MTA3: variants seen among roughly 807,000 people sequenced by gnomAD.
MTA3 encodes the protein metastasis-associated protein MTA3.
In MTA3, 34 loss-of-function variants were observed where a neutral mutation model predicts 83.5. The ratio of observed to expected loss-of-function variants is 0.41; its 90% CI spans 0.31 to 0.54. The LOEUF is 0.54. MTA3 is among the 20% of genes least tolerant of loss of function. The probability of loss-of-function intolerance (pLI) is 0.33; values close to 1 mark genes in which losing one functional copy is unlikely to be tolerated. For missense variants in MTA3, 761 were observed against 726.4 expected, an observed-to-expected ratio of 1.05 and a Z score of -0.55; for synonymous variants, 303 against 252.7, an observed-to-expected ratio of 1.20 and a Z score of -1.89.
chr2:42,502,504 G>A (rs1253902280), intron 2 of MTA3, among the ~76,000 whole-genome samples: 1 of 152,096 alleles, frequency 6.6e-6, no homozygotes, highest in Non-Finnish European at 1.5e-5. Flanking sequence ...TTATTGGAAA[G>A]GGGTCCCAAT....
rs1345056653 is a variant in MTA3 at position 42,621,984 on chromosome 2, C to T, written c.317+12400C>T. Among the ~76,000 whole-genome samples the T allele has an allele frequency of 1.4e-4, 22 of 152,232 alleles. 1 individual carries two copies. In the East Asian group the frequency reaches 4.3e-3, roughly 29 times the overall value. On this transcript the variant is annotated intron_variant, in intron 4 of 16. Transcript: ENST00000405094. ...GATGGGCGGCCAGGCAGAGACGCTC[C>T]TCACTTCCCAGACGGGGTGGCGGCC...
At chr2:42,709,222 T>G (rs1666390179) in intron 14 of MTA3, 126 bp downstream of exon 14, 1 of 1,447,752 alleles carries the variant, frequency 6.9e-7, no homozygotes, top group East Asian at 2.5e-5. Flanking sequence ...CAGCCTTTTA[T>G]TTGGTTTATT....
chr2:42,729,086 G>GT (rs1216600680), intron 16 of MTA3, among the ~76,000 whole-genome samples: 15,678 of 59,184 alleles, frequency 0.26, 5,370 homozygotes, highest in Non-Finnish European at 0.36. Flanking sequence ...CACAGTTTGA[G>GT]TTTTTTTTTT....
chr2:42,622,650 A>G (rs1431343646), intron 4 of MTA3, among the ~76,000 whole-genome samples: 2 of 152,074 alleles, frequency 1.3e-5, no homozygotes, highest in Non-Finnish European at 2.9e-5. Flanking sequence ...CTTTTTAAAA[A>G]AATTTTTGCC....
At chr2:42,675,832 C>T (rs938545329) in intron 8 of MTA3, among the ~76,000 whole-genome samples, 1 of 152,168 alleles carries the variant, frequency 6.6e-6, no homozygotes, top group Admixed American at 6.5e-5. Flanking sequence ...ATGTAAAGCT[C>T]TTAAGGGTAA....
chr2:42,683,701 A>G (rs962399079), intron 9 of MTA3, among the ~76,000 whole-genome samples: 5 of 152,282 alleles, frequency 3.3e-5, no homozygotes, highest in East Asian at 1.9e-4. Flanking sequence ...GATCCCTCGC[A>G]TGCACAGTTC....
At chr2:42,687,088 C>A (rs940976308) in intron 9 of MTA3, among the ~76,000 whole-genome samples, 2 of 152,214 alleles carry the variant, frequency 1.3e-5, no homozygotes, top group African/African-American at 4.8e-5. Flanking sequence ...GATCGCGCCA[C>A]TGCACTCTAG....
At chr2:42,711,897 GCAATGTGAATGTACTTT>G (rs1666652497) in intron 14 of MTA3, among the ~76,000 whole-genome samples, 1 of 151,886 alleles carries the variant, frequency 6.6e-6, no homozygotes, top group Admixed American at 6.6e-5. Context: ...TCGCTGTGAT[GCAATGTGAATGTACTTT>G]CAGATAAGGC....
Position 42,755,652 on chromosome 2 carries a change from G to T in MTA3, c.*2253G>T. 1 of 985,552 alleles carries T rather than the reference G, an allele frequency of 1.0e-6. No individual in the cohort carries two copies. Among genetic ancestry groups the T allele is most frequent in the Non-Finnish European group, 1.2e-6 (1 of 830,038 alleles). 61.1% of individuals were successfully genotyped at this position (985,552 alleles called of 1,614,324 possible). ...CCCCAGGCAATGGAGGAAGGGTGCC[G>T]AGGCGCCTCTAGTCTGTGCCTTTGC... On this transcript the variant is annotated 3_prime_UTR_variant, in exon 17 of 17. Coordinates refer to ENST00000405094, the MANE Select transcript of MTA3 (RefSeq NM_001330442.2).
chr2:42,746,259 A>G (rs1381238853), intron 16 of MTA3, among the ~76,000 whole-genome samples: 1 of 152,212 alleles, frequency 6.6e-6, no homozygotes, highest in Non-Finnish European at 1.5e-5. Context: ...TTGAAATAGA[A>G]TGATTCTTAC....
At chr2:42,650,906 A>C (rs1573476566) in intron 6 of MTA3, among the ~76,000 whole-genome samples, 1 of 152,326 alleles carries the variant, frequency 6.6e-6, no homozygotes, top group Middle Eastern at 3.4e-3. Flanking sequence ...TGCATCACCT[A>C]ATGACAGCAA....
intron 14 of MTA3, among the ~76,000 whole-genome samples, chr2:42,710,083 A>G (rs1414216333): frequency 6.6e-6 from 1 of 152,218 alleles, no homozygotes; most frequent in Non-Finnish European, 1.5e-5. Flanking sequence ...GAAATCCTAA[A>G]GCCATTCTAA....
intron 15 of MTA3, among the ~76,000 whole-genome samples, chr2:42,720,229 C>T (rs1004130920): frequency 6.6e-6 from 1 of 151,942 alleles, no homozygotes; most frequent in African/African-American, 2.4e-5. Flanking sequence ...TCTGTCCAAG[C>T]TGGAGTGCAG....
chr2:42,597,060 T>C (rs911735411), intron 3 of MTA3, among the ~76,000 whole-genome samples: 1 of 151,424 alleles, frequency 6.6e-6, no homozygotes, highest in African/African-American at 2.4e-5. Flanking sequence ...GCAAACTGCA[T>C]TGCCCGGTGA....
At chr2:42,525,113 C>T (rs984841280) in intron 2 of MTA3, among the ~76,000 whole-genome samples, 2 of 148,676 alleles carry the variant, frequency 1.3e-5, no homozygotes, top group Non-Finnish European at 3.0e-5. Context: ...CCCCCCTCCC[C>T]CACCTGTGGG....
chr2:42,696,726 A>G (rs562668962), intron 10 of MTA3, among the ~76,000 whole-genome samples: 102 of 152,296 alleles, frequency 6.7e-4, no homozygotes, highest in African/African-American at 2.4e-3. Context: ...GCAACATAAC[A>G]AGACCCTGTC....
At chr2:42,663,825 C>T (rs1689963028) in intron 8 of MTA3, among the ~76,000 whole-genome samples, 1 of 152,202 alleles carries the variant, frequency 6.6e-6, no homozygotes, top group Non-Finnish European at 1.5e-5. Context: ...GTTACCTTCA[C>T]ACCCTTCAGT....
chr2:42,701,117 GATAATAA>G (rs1264988106), intron 11 of MTA3, among the ~76,000 whole-genome samples: 1 of 151,722 alleles, frequency 6.6e-6, no homozygotes, highest in African/African-American at 2.4e-5. Context: ...TAAGTAGATA[GATAATAA>G]ATAATACATT....
intron 3 of MTA3, among the ~76,000 whole-genome samples, chr2:42,600,047 A>AC (rs1682365802): frequency 6.6e-6 from 1 of 151,214 alleles, no homozygotes; most frequent in Non-Finnish European, 1.5e-5. Flanking sequence ...ATACAAAAAA[A>AC]ATTAGCTGGG....
Sources: gnomAD v4.1 joint callset for allele counts (sites outside exome capture counted in the v4.1 genomes callset) on GRCh38, gnomAD v4.1.1 for gene constraint, MANE v1.5 for transcripts, NCBI Gene and HGNC (gene_info 2026-07-23, HGNC 2026-07-21) for gene names.